The following ZMYND11 variants were observed in gnomAD, a reference collection of about 807,000 sequenced individuals.
ZMYND11 encodes zinc finger MYND-type containing 11, also known as zinc finger MYND domain-containing protein 11.
ZMYND11 carries 9 observed loss-of-function variants against 84.9 expected under a neutral mutation model. That is an observed-to-expected ratio of 0.11 (90% CI 0.06 to 0.18). ZMYND11 has a LOEUF of 0.18. Ranked by LOEUF, ZMYND11 falls within the 10% of genes least tolerant of loss-of-function variation. ZMYND11 has a pLI of 1.00. For missense variants in ZMYND11, 409 were observed against 761.0 expected (o/e 0.54, Z 5.44); for synonymous variants, 250 against 244.1 (o/e 1.02, Z -0.23).
chr10:240,867 C>G, intron 8 of ZMYND11, 26 bp from the exon 9 acceptor site: 1 of 1,577,498 alleles, frequency 6.3e-7, no homozygotes, highest in Non-Finnish European at 8.7e-7. Context: ...TTTATGTAGG[C>G]TAAAGTAGTT....
At chr10:159,819 C>T (rs376809662) in intron 1 of ZMYND11, among the ~76,000 whole-genome samples, 18 of 152,232 alleles carry the variant, frequency 1.2e-4, no homozygotes, top group African/African-American at 3.9e-4. Context: ...GGAATCTACT[C>T]ATATTTTCAT....
intron 4 of ZMYND11, among the ~76,000 whole-genome samples, chr10:227,163 A>G (rs1252499766): frequency 6.6e-6 from 1 of 152,222 alleles, no homozygotes; most frequent in Admixed American, 6.5e-5. Context: ...TTCTACATCT[A>G]ATCCAAAAAG....
At chr10:217,514 C>CA (rs80091968) in intron 3 of ZMYND11, among the ~76,000 whole-genome samples, 1,441 of 79,682 alleles carry the variant, frequency 0.018, 12 homozygotes, top group Middle Eastern at 0.043. Flanking sequence ...ATTCTGTCTC[C>CA]AAAAAAAAAA....
At chr10:239,971 T>C in intron 7 of ZMYND11, 85 bp from the exon 8 acceptor site, 1 of 1,209,488 alleles carries the variant, frequency 8.3e-7, no homozygotes, top group Non-Finnish European at 1.2e-6. Flanking sequence ...ATGTCTACTT[T>C]TGCAAACTGA....
chr10:223,655 A>T (rs1947554303), intron 4 of ZMYND11, among the ~76,000 whole-genome samples: 1 of 152,180 alleles, frequency 6.6e-6, no homozygotes, highest in South Asian at 2.1e-4. Flanking sequence ...ATAGTTATTC[A>T]TTTTAGATCC....
At chr10:158,787 T>G (rs1842281711) in intron 1 of ZMYND11, among the ~76,000 whole-genome samples, 1 of 152,048 alleles carries the variant, frequency 6.6e-6, no homozygotes, top group Non-Finnish European at 1.5e-5. Context: ...GTGATTTTGA[T>G]TTGCATTTCT....
intron 2 of ZMYND11, among the ~76,000 whole-genome samples, chr10:203,916 T>A (rs1943688389): frequency 6.6e-6 from 1 of 152,192 alleles, no homozygotes; most frequent in African/African-American, 2.4e-5. Flanking sequence ...AGAGCTTATG[T>A]CATCTTAACA....
intron 2 of ZMYND11, among the ~76,000 whole-genome samples, chr10:189,226 C>T (rs1286948650): frequency 6.6e-6 from 1 of 152,180 alleles, no homozygotes; most frequent in Non-Finnish European, 1.5e-5. Flanking sequence ...AACTGTAAGT[C>T]CTCATCACGT....
At chr10:140,629 TCAG>T (rs1441160990) in intron 1 of ZMYND11, among the ~76,000 whole-genome samples, 1 of 152,246 alleles carries the variant, frequency 6.6e-6, no homozygotes, top group Non-Finnish European at 1.5e-5. Context: ...TTTTTCCTGT[TCAG>T]CAGTAATTTC....
At chr10:237,460 T>G (rs1950176177) in intron 5 of ZMYND11, 125 bp from the exon 6 acceptor site, 4 of 554,102 alleles carry the variant, frequency 7.2e-6, no homozygotes, top group East Asian at 6.6e-5. Context: ...CTGGGCAAGA[T>G]GGCAAGACCC....
rs556660495 is a variant in ZMYND11 at position 149,350 on chromosome 10, G to A, written c.-20+13791G>A. ...TTTTTCAGACCAGTCTCGCTCTGTCGCCCAGGCTGGAGTGCAGTGGCGCGA... is the reference window on the plus strand; with the variant it reads ...TTTTTCAGACCAGTCTCGCTCTGTCACCCAGGCTGGAGTGCAGTGGCGCGA... On this transcript the variant is annotated intron_variant, in intron 1 of 14. Coordinates refer to ENST00000381604, the MANE Select transcript of ZMYND11 (RefSeq NM_001370100.5). Among the ~76,000 whole-genome samples the A allele has an allele frequency of 1.5e-3, 226 of 150,256 alleles. 2 individuals carry two copies. The highest frequency in any genetic ancestry group is 5.2e-3 in the African/African-American group (211 of 40,910).
intron 1 of ZMYND11, among the ~76,000 whole-genome samples, chr10:165,268 C>T (rs530301387): frequency 6.6e-6 from 1 of 152,234 alleles, no homozygotes; most frequent in South Asian, 2.1e-4. Context: ...ATATTCTGTA[C>T]TTTCTGAAAT....
At chr10:247,286 G>A (rs1484642745) in intron 11 of ZMYND11, 112 bp from the exon 12 acceptor site, 8 of 1,230,846 alleles carry the variant, frequency 6.5e-6, no homozygotes, top group Non-Finnish European at 9.2e-6. Context: ...ATGGAAGGAT[G>A]CAAAAGGTAG....
Position 225,327 on chromosome 10 carries a change from A to G in ZMYND11, c.438+3971A>G, listed in dbSNP as rs191805740. 4.0e-5 allele frequency among the ~76,000 whole-genome samples: 6 copies of G among 148,414 alleles called. No individual in the cohort carries two copies. The East Asian group carries it at 1.2e-3, about 30-fold the overall frequency. The stretch of plus-strand genomic sequence containing the variant: ...TTTTGTTGCCTATTTGATAAGATGA[A>G]TTTTTTGTTGTCGTTGTTTTTTTGT... On this transcript the variant is annotated intron_variant, in intron 4 of 14. Coordinates refer to ENST00000381604, the MANE Select transcript of ZMYND11 (RefSeq NM_001370100.5).
Position 249,054 on chromosome 10 carries a change from A to G in ZMYND11, c.1652A>G (p.Lys551Arg). The G allele has an allele frequency of 6.2e-6, 10 of 1,614,236 alleles. No individual in the cohort carries two copies. The highest frequency in any genetic ancestry group is 8.5e-6 in the Non-Finnish European group (10 of 1,180,038). ...EEIKKLATQHKQLISQTKKKQ... is the reference protein window; with the variant it reads ...EEIKKLATQHRQLISQTKKKQ... ...ATCAAGAAGCTGGCAACACAGCACAAGCAACTGATTTCTCAGACCAAGAAG... is the reference window on the plus strand; with the variant it reads ...ATCAAGAAGCTGGCAACACAGCACAGGCAACTGATTTCTCAGACCAAGAAG... Residue 551 changes from lysine (K) to arginine (R), a missense_variant, in exon 14 of 15, where the codon AAG becomes AGG. Transcript: ENST00000381604.
intron 2 of ZMYND11, among the ~76,000 whole-genome samples, chr10:207,448 C>T (rs1026227280): frequency 2.0e-5 from 3 of 152,188 alleles, no homozygotes; most frequent in Non-Finnish European, 4.4e-5. Context: ...AGTTTACAGT[C>T]CCACCAACAG....
At chr10:194,572 C>CAGA (rs1941273620) in intron 2 of ZMYND11, among the ~76,000 whole-genome samples, 1 of 152,188 alleles carries the variant, frequency 6.6e-6, no homozygotes, top group Admixed American at 6.5e-5. Context: ...CACTTTCTCT[C>CAGA]CAACACCTGG....
intron 2 of ZMYND11, among the ~76,000 whole-genome samples, chr10:193,881 A>G (rs917175068): frequency 9.2e-5 from 14 of 152,282 alleles, no homozygotes; most frequent in Middle Eastern, 3.4e-3. Context: ...TTCATTTGCT[A>G]TGTATATTGG....
intron 14 of ZMYND11, among the ~76,000 whole-genome samples, chr10:250,639 TAAGATG>T (rs1198250046): frequency 6.6e-6 from 1 of 152,242 alleles, no homozygotes; most frequent in African/African-American, 2.4e-5. Flanking sequence ...TACTCTTCTT[TAAGATG>T]AAGAATTTGA....
Sources: allele counts gnomAD v4.1 joint callset (sites outside exome capture counted in the v4.1 genomes callset), GRCh38; gene constraint gnomAD v4.1.1; transcripts MANE v1.5; gene names NCBI Gene and HGNC (gene_info 2026-07-23, HGNC 2026-07-21).